EYA4: variants seen among roughly 807,000 people sequenced by gnomAD.
The protein encoded by EYA4 is EYA transcriptional coactivator and phosphatase 4.
Under a neutral mutation model 87.9 loss-of-function variants are expected in EYA4, and 31 were observed. The observed-to-expected ratio is 0.35, with a 90% confidence interval of 0.27 to 0.48. The LOEUF is 0.48. Ranked by LOEUF, EYA4 falls within the 20% of genes least tolerant of loss-of-function variation. The pLI is 0.99. For synonymous variants in EYA4, 263 were observed against 270.6 expected (o/e 0.97, Z 0.28); for missense variants, 678 against 761.4 (o/e 0.89, Z 1.29).
At chr6:133,419,284 A>C (rs1173697580) in intron 3 of EYA4, among the ~76,000 whole-genome samples, 1 of 152,180 alleles carries the variant, frequency 6.6e-6, no homozygotes, top group Non-Finnish European at 1.5e-5. Context: ...TCCTTTATTG[A>C]AATGGAAAAT....
intron 3 of EYA4, among the ~76,000 whole-genome samples, chr6:133,430,319 A>G (rs1791076037): frequency 6.6e-6 from 1 of 152,238 alleles, no homozygotes; most frequent in African/African-American, 2.4e-5. Context: ...CAAGTCTTCA[A>G]TACATTTGGG....
At chr6:133,391,860 AC>A (rs1053285469) in intron 3 of EYA4, among the ~76,000 whole-genome samples, 2 of 152,154 alleles carry the variant, frequency 1.3e-5, no homozygotes, top group Admixed American at 1.3e-4. Context: ...TTTATCCAGC[AC>A]CTACCCCTCC....
At chr6:133,288,536 G>T (rs1778250384) in intron 2 of EYA4, among the ~76,000 whole-genome samples, 1 of 152,086 alleles carries the variant, frequency 6.6e-6, no homozygotes, top group African/African-American at 2.4e-5. Context: ...TTGAATTGAG[G>T]ACTTTTGAGA....
intron 11 of EYA4, among the ~76,000 whole-genome samples, chr6:133,469,549 G>T (rs1039885879): frequency 5.3e-5 from 8 of 151,950 alleles, no homozygotes; most frequent in Non-Finnish European, 1.0e-4. Context: ...GCATATATAT[G>T]CTAGAAAATG....
chr6:133,375,636 A>G (rs1785619812), intron 2 of EYA4, among the ~76,000 whole-genome samples: 1 of 151,882 alleles, frequency 6.6e-6, no homozygotes, highest in East Asian at 1.9e-4. Context: ...TCGGTTATCA[A>G]TTTTTAAAAA....
In EYA4 at chr6:133,310,406, C is replaced by A. The variant is rs770556387; in HGVS notation, c.33+35593C>A. On this transcript the variant is annotated intron_variant, in intron 2 of 19. Transcript: ENST00000355286. Reference sequence around the variant, plus strand: ...CATGTGTCATCTGTTACCCTCCCCACATCAGCTAATCATTTGACATATAAT... The same window carrying A: ...CATGTGTCATCTGTTACCCTCCCCAAATCAGCTAATCATTTGACATATAAT... Among the ~76,000 whole-genome samples the A allele has an allele frequency of 7.2e-5, 11 of 152,186 alleles. No homozygotes were observed. In the South Asian group the frequency reaches 2.1e-3, roughly 29 times the overall value.
At chr6:133,488,515 G>A (rs1796869995) in intron 13 of EYA4, among the ~76,000 whole-genome samples, 1 of 152,146 alleles carries the variant, frequency 6.6e-6, no homozygotes, top group African/African-American at 2.4e-5. Flanking sequence ...AGGTGCTTGT[G>A]TCACCCTTTC....
intron 3 of EYA4, among the ~76,000 whole-genome samples, chr6:133,425,935 C>A (rs768567737): frequency 2.0e-5 from 3 of 150,888 alleles, no homozygotes; most frequent in Non-Finnish European, 2.9e-5. Flanking sequence ...TTCTCCCTGA[C>A]CTCTATCATG....
intron 2 of EYA4, among the ~76,000 whole-genome samples, chr6:133,324,829 G>T (rs1345768695): frequency 6.6e-6 from 1 of 150,730 alleles, no homozygotes; most frequent in East Asian, 1.9e-4. Flanking sequence ...CAAAAAATCA[G>T]ATTAATAAAT....
chr6:133,380,515 T>C (rs1006768607), intron 2 of EYA4, among the ~76,000 whole-genome samples: 2 of 152,178 alleles, frequency 1.3e-5, no homozygotes, highest in Non-Finnish European at 2.9e-5. Flanking sequence ...ATGTCTAGTT[T>C]GTGGTGGTCT....
In EYA4 at chr6:133,530,422, T is replaced by C. The variant is rs1159671504; in HGVS notation, c.*1617T>C. The C allele has an allele frequency of 5.4e-5, 53 of 985,416 alleles. No individual in the cohort carries two copies. The highest frequency in any genetic ancestry group is 6.3e-5 in the Non-Finnish European group (52 of 829,934). 61.0% of individuals were successfully genotyped at this position (985,416 alleles called of 1,614,324 possible). On this transcript the variant is annotated 3_prime_UTR_variant, in exon 20 of 20. Coordinates refer to ENST00000355286, the MANE Select transcript of EYA4 (RefSeq NM_004100.5). ...TATGACACGATTTCCCTTGTGGAAA[T>C]TTAAGACTTTAAGAACTAGAGTATT...
chr6:133,529,583 A>G lies in EYA4; in HGVS notation c.*778A>G, dbSNP rs147339459. ...TTAACATGACCAAATTTAAAAGTCAAGCTCTCAGAGCTTAATTACCGCATC... is the reference window on the plus strand; with the variant it reads ...TTAACATGACCAAATTTAAAAGTCAGGCTCTCAGAGCTTAATTACCGCATC... On this transcript the variant is annotated 3_prime_UTR_variant, in exon 20 of 20. Transcript: ENST00000355286. The G allele has an allele frequency of 1.3e-5, 13 of 985,662 alleles. No homozygotes were observed. In the South Asian group the frequency reaches 3.3e-4, roughly 25 times the overall value. 61.1% of individuals were successfully genotyped at this position (985,662 alleles called of 1,614,324 possible).
At chr6:133,288,704 A>G (rs1349107787) in intron 2 of EYA4, among the ~76,000 whole-genome samples, 1 of 152,184 alleles carries the variant, frequency 6.6e-6, no homozygotes, top group African/African-American at 2.4e-5. Context: ...GAAGATAAAC[A>G]TAGGAGACCA....
chr6:133,294,479 A>G (rs1487076733), intron 2 of EYA4, among the ~76,000 whole-genome samples: 1 of 136,110 alleles, frequency 7.3e-6, no homozygotes, highest in Non-Finnish European at 1.5e-5. Flanking sequence ...GTCCCGCCTC[A>G]GCCTCCTTAG....
intron 10 of EYA4, among the ~76,000 whole-genome samples, chr6:133,465,971 G>T (rs1794801329): frequency 6.6e-6 from 1 of 151,792 alleles, no homozygotes; most frequent in South Asian, 2.1e-4. Flanking sequence ...TAAAATTGAG[G>T]TTTTTTTTGT....
At chr6:133,499,864 C>A (rs1797957408) in intron 13 of EYA4, among the ~76,000 whole-genome samples, 1 of 151,960 alleles carries the variant, frequency 6.6e-6, no homozygotes, top group African/African-American at 2.4e-5. Flanking sequence ...GGCTCAAGTC[C>A]AGCCGTCCTG....
chr6:133,376,136 A>G (rs545820517), intron 2 of EYA4, among the ~76,000 whole-genome samples: 1 of 151,982 alleles, frequency 6.6e-6, no homozygotes, highest in Non-Finnish European at 1.5e-5. Flanking sequence ...AGAGTTTGGC[A>G]TGCAATAATC....
chr6:133,295,847 G>A (rs1778905864), intron 2 of EYA4, among the ~76,000 whole-genome samples: 1 of 152,134 alleles, frequency 6.6e-6, no homozygotes, highest in South Asian at 2.1e-4. Context: ...TGTTATAGAT[G>A]CTGAAAATAC....
chr6:133,457,043 A>G lies in EYA4; in HGVS notation c.370+395A>G, dbSNP rs373563924. ...TAACATTCGAGATGTAAAACTATCCATTTGATTCCTTCTAAATAACCTTGT... is the reference window on the plus strand; with the variant it reads ...TAACATTCGAGATGTAAAACTATCCGTTTGATTCCTTCTAAATAACCTTGT... On this transcript the variant is annotated intron_variant, in intron 6 of 19. Transcript: ENST00000355286. Among the ~76,000 whole-genome samples the G allele has an allele frequency of 4.6e-5, 7 of 152,222 alleles. No individual in the cohort carries two copies. The East Asian group carries it at 1.4e-3, about 29-fold the overall frequency.
Sources: gnomAD v4.1 joint callset for allele counts (sites outside exome capture counted in the v4.1 genomes callset) on GRCh38, gnomAD v4.1.1 for gene constraint, MANE v1.5 for transcripts, NCBI Gene and HGNC (gene_info 2026-07-23, HGNC 2026-07-21) for gene names.